NFASC: variants seen among roughly 807,000 people sequenced by gnomAD.
The protein encoded by NFASC is neurofascin homolog.
A neutral mutation model predicts 147.5 loss-of-function variants in NFASC; 43 were observed. The ratio of observed to expected loss-of-function variants is 0.29; its 90% CI spans 0.23 to 0.38. The LOEUF (loss-of-function observed/expected upper bound fraction) is 0.38, where lower values mean the gene tolerates loss of function less well. Among genes scored for constraint, NFASC ranks in the 10% least tolerant of loss-of-function variants. The probability of loss-of-function intolerance (pLI) is 1.00; values close to 1 mark genes in which losing one functional copy is unlikely to be tolerated. For missense variants in NFASC, 1,320 were observed against 1,689.0 expected (o/e 0.78, Z 3.83); for synonymous variants, 622 against 665.5 (o/e 0.93, Z 1.01).
intron 1 of NFASC, among the ~76,000 whole-genome samples, chr1:204,912,904 T>G (rs1227056499): frequency 6.6e-6 from 1 of 152,056 alleles, no homozygotes; most frequent in Non-Finnish European, 1.5e-5. Context: ...GGCACGTGCC[T>G]ATAATCCCAG....
chr1:204,835,891 A>G (rs1417233606), intron 1 of NFASC, among the ~76,000 whole-genome samples: 1 of 152,164 alleles, frequency 6.6e-6, no homozygotes, highest in African/African-American at 2.4e-5. Context: ...ACTGGAGTGG[A>G]TTGATCAGAT....
intron 1 of NFASC, among the ~76,000 whole-genome samples, chr1:204,916,916 G>C (rs931156002): frequency 3.9e-5 from 6 of 151,926 alleles, no homozygotes; most frequent in East Asian, 3.9e-4. Flanking sequence ...GTAAAATGGG[G>C]ATAATAATAT....
rs1340429187 is a variant in NFASC, at chr1:205,021,611, A to T, written c.*5072A>T. The T allele has an allele frequency of 6.5e-6, 1 of 153,358 alleles. No individual in the cohort carries two copies. The highest frequency in any genetic ancestry group is 1.5e-5 in the Non-Finnish European group (1 of 68,032). The allele number at this position is 153,358 out of a possible 1,614,324, so 9.5% of individuals were successfully genotyped here. A position where few individuals can be genotyped will look rare whatever the true frequency, so the allele number is the denominator to read the frequency against. Reference sequence around the variant, plus strand: ...TAAACTAAGGTAAGGTTAGGGCTTGAACTTGGGCCTTCTGACTCCTTGTCC... The same window carrying T: ...TAAACTAAGGTAAGGTTAGGGCTTGTACTTGGGCCTTCTGACTCCTTGTCC... On this transcript the variant is annotated 3_prime_UTR_variant, in exon 30 of 30. Transcript: ENST00000339876.
chr1:204,890,868 C>T (rs577879060), intron 1 of NFASC, among the ~76,000 whole-genome samples: 39 of 151,136 alleles, frequency 2.6e-4, no homozygotes, highest in Non-Finnish European at 4.3e-4. Context: ...CCGCACCTGG[C>T]CAGGGAGGCA....
rs2096015992 is a variant in NFASC at position 205,002,702 on chromosome 1, C to T, written c.3243C>T (p.Asp1081=). 2.5e-6 allele frequency: 4 copies of T among 1,579,416 alleles called. No homozygotes were observed. Among genetic ancestry groups the T allele is most frequent in the Non-Finnish European group, 3.5e-6 (4 of 1,154,822 alleles). ...MTYTLRVYSR[D]NEGISSTVIT... ...ACACGTTGCGGGTTTATTCCCGGGA[C>T]AACGAGGGCATCAGCAGTACCGTCA... is the stretch of plus-strand genomic sequence containing the variant. The change falls in exon 27 of 30, where the codon GAC becomes GAT. Residue 1081 remains aspartate, a synonymous_variant. Coordinates refer to ENST00000339876, the MANE Select transcript of NFASC (RefSeq NM_001005388.3).
At chr1:204,833,268 A>G (rs373574105) in intron 1 of NFASC, among the ~76,000 whole-genome samples, 1 of 152,174 alleles carries the variant, frequency 6.6e-6, no homozygotes, top group African/African-American at 2.4e-5. Context: ...TCATCCTCAA[A>G]GGGTTAACCC....
At chr1:204,863,810 T>C (rs1296911156) in intron 1 of NFASC, among the ~76,000 whole-genome samples, 2 of 145,200 alleles carry the variant, frequency 1.4e-5, no homozygotes, top group African/African-American at 5.2e-5. Context: ...ATCGCGCCAC[T>C]TTACTCCAGC....
chr1:204,901,996 T>C (rs1293489322), intron 1 of NFASC, among the ~76,000 whole-genome samples: 1 of 151,908 alleles, frequency 6.6e-6, no homozygotes, highest in Non-Finnish European at 1.5e-5. Flanking sequence ...CAAGAGTAAA[T>C]GAAGGGAGAA....
At chr1:204,914,222 G>A (rs554134942) in intron 1 of NFASC, among the ~76,000 whole-genome samples, 1 of 152,278 alleles carries the variant, frequency 6.6e-6, no homozygotes, top group African/African-American at 2.4e-5. Flanking sequence ...AATTGATATG[G>A]TTTGGCAGTG....
intron 25 of NFASC, chr1:204,997,622 C>T (rs1219964370): frequency 9.6e-6 from 6 of 623,236 alleles, no homozygotes; most frequent in Non-Finnish European, 1.7e-5. Flanking sequence ...GACACACACA[C>T]ACTCCTTGGG....
chr1:204,960,037 A>G (rs527690109), intron 8 of NFASC, among the ~76,000 whole-genome samples: 3 of 152,286 alleles, frequency 2.0e-5, no homozygotes, highest in South Asian at 4.1e-4. Context: ...CCAGCCCAGA[A>G]TTGGGCACAC....
intron 1 of NFASC, among the ~76,000 whole-genome samples, chr1:204,874,405 C>T (rs377173864): frequency 8.5e-5 from 13 of 152,370 alleles, no homozygotes; most frequent in East Asian, 7.7e-4. Context: ...TTCTGGTGTA[C>T]GCCAGGCTTC....
intron 1 of NFASC, among the ~76,000 whole-genome samples, chr1:204,841,224 G>A (rs1009370529): frequency 2.0e-5 from 3 of 152,154 alleles, no homozygotes; most frequent in African/African-American, 7.2e-5. Context: ...CTGATTAAAC[G>A]TTATTATTCC....
intron 1 of NFASC, among the ~76,000 whole-genome samples, chr1:204,918,188 T>C (rs1311848048): frequency 6.6e-6 from 1 of 152,238 alleles, no homozygotes; most frequent in African/African-American, 2.4e-5. Flanking sequence ...ATCAATAATA[T>C]GGTTATTGAA....
intron 2 of NFASC, among the ~76,000 whole-genome samples, chr1:204,929,928 A>G (rs926400778): frequency 6.6e-6 from 1 of 152,180 alleles, no homozygotes; most frequent in African/African-American, 2.4e-5. Context: ...CGGCTGGGTC[A>G]CCATCTGTTG....
intron 16 of NFASC, 43 bp downstream of exon 16, chr1:204,976,838 C>A (rs2095415618): frequency 1.3e-6 from 2 of 1,589,040 alleles, no homozygotes; most frequent in African/African-American, 1.3e-5. Flanking sequence ...GCCCCACCCC[C>A]TCCCCAGCAG....
At position 204,997,184 on chromosome 1, in the gene NFASC, C is replaced by G. The variant is rs899683770; in HGVS notation, c.2797C>G (p.Pro933Ala). The G allele has an allele frequency of 3.7e-6, 6 of 1,610,936 alleles. No homozygotes were observed. The highest frequency in any genetic ancestry group is 1.7e-5 in the Admixed American group (1 of 59,960). Residue 933 changes from proline (P) to alanine (A), a missense_variant, in exon 25 of 30, where the codon CCC (proline) becomes GCC (alanine). Coordinates refer to ENST00000339876, the MANE Select transcript of NFASC (RefSeq NM_001005388.3). Reference protein sequence around the residue: ...ATPTAAPPTLPPTTVGATGAV... With the variant: ...ATPTAAPPTLAPTTVGATGAV... Reference sequence around the variant, plus strand: ...TTCCCTCTCAGCTCCTCCCACATTGCCCCCGACTACCGTGGGTGCGACGGG... The same window carrying G: ...TTCCCTCTCAGCTCCTCCCACATTGGCCCCGACTACCGTGGGTGCGACGGG...
At chr1:205,004,483 G>A (rs939156378) in intron 27 of NFASC, among the ~76,000 whole-genome samples, 10 of 152,240 alleles carry the variant, frequency 6.6e-5, no homozygotes, top group East Asian at 3.8e-4. Context: ...CTCCCAGCGA[G>A]AGCTGGAGTG....
rs2093156079 is a variant in NFASC, at chr1:204,939,160, T to G, written c.-90-5066T>G. On this transcript the variant is annotated intron_variant, in intron 2 of 29. Coordinates refer to ENST00000339876, the MANE Select transcript of NFASC (RefSeq NM_001005388.3). The stretch of plus-strand genomic sequence containing the variant: ...TCTCCAGTACTTAGTATACCATGCA[T>G]CCACATAGGATTTATTTCTTTGTTG... Among the ~76,000 whole-genome samples, 2 of 150,476 alleles carry G rather than the reference T, an allele frequency of 1.3e-5. 1 individual carries two copies. Among genetic ancestry groups the G allele is most frequent in the South Asian group, 4.3e-4 (2 of 4,632 alleles).
Sources: allele counts gnomAD v4.1 joint callset (sites outside exome capture counted in the v4.1 genomes callset), GRCh38; gene constraint gnomAD v4.1.1; transcripts MANE v1.5; gene names NCBI Gene and HGNC (gene_info 2026-07-23, HGNC 2026-07-21).